Variants in SPATA3 observed in about 807,000 individuals in gnomAD.
The protein encoded by SPATA3 is spermatogenesis associated 3.
In SPATA3, 6 loss-of-function variants were observed where a neutral mutation model predicts 5.7. The ratio of observed to expected loss-of-function variants is 1.06; its 90% confidence interval spans 0.58 to 2.09. The LOEUF (loss-of-function observed/expected upper bound fraction) is 2.09. SPATA3 is among the 30% of genes most tolerant of loss of function. The pLI is 0.00. For missense variants in SPATA3, 155 were observed against 130.4 expected, an observed-to-expected ratio of 1.19 and a Z score of -0.92; for synonymous variants, 44 against 48.4, an observed-to-expected ratio of 0.91 and a Z score of 0.37.
intron 1 of SPATA3, chr2:230,996,190 A>G (rs756444343): frequency 1.1e-5 from 16 of 1,517,030 alleles, no homozygotes; most frequent in Non-Finnish European, 1.4e-5. Flanking sequence ...CCGGGAGATT[A>G]CGCAGCTCCA....
chr2:231,012,582 T>C (rs1317685188), intron 4 of SPATA3: 3 of 152,178 alleles, frequency 2.0e-5, no homozygotes, highest in Non-Finnish European at 2.9e-5. Context: ...ATTCTGTGTG[T>C]CTGGTAGGAG....
At chr2:231,010,645 G>A (rs1449018337), downstream of SPATA3, among the ~76,000 whole-genome samples, 8 of 152,120 alleles carry the variant, frequency 5.3e-5, no homozygotes. Context: ...AGAGATAGGA[G>A]GGCAGGAGAA....
downstream of SPATA3, among the ~76,000 whole-genome samples, chr2:231,010,394 G>A (rs922986481): frequency 4.6e-5 from 7 of 152,250 alleles, no homozygotes; most frequent in African/African-American, 1.4e-4. Flanking sequence ...GCCTCTCTGA[G>A]CAGCATTCCT....
chr2:231,004,854 A>C (rs1470080255), downstream of SPATA3, among the ~76,000 whole-genome samples: 1 of 152,022 alleles, frequency 6.6e-6, no homozygotes. Context: ...GAGTGGAAAA[A>C]ATGCATGTAA....
downstream of SPATA3, among the ~76,000 whole-genome samples, chr2:231,009,921 A>T (rs1192293882): frequency 1.3e-5 from 2 of 152,256 alleles, no homozygotes; most frequent in African/African-American, 4.8e-5. Flanking sequence ...AGTGAGTATA[A>T]ATGTGATCAC....
At chr2:230,996,173 G>A in intron 1 of SPATA3, 2 of 1,490,524 alleles carry the variant, frequency 1.3e-6, no homozygotes, top group Non-Finnish European at 1.8e-6. Context: ...GCCCCTCCAG[G>A]AGGGAGCCGG....
chr2:231,010,352 C>T (rs1165186031), downstream of SPATA3, among the ~76,000 whole-genome samples: 1 of 152,168 alleles, frequency 6.6e-6, no homozygotes, highest in Non-Finnish European at 1.5e-5. Flanking sequence ...TGTGGGGAAC[C>T]CAGCAAGGCC....
At chr2:231,007,067 A>G (rs1008042829), downstream of SPATA3, among the ~76,000 whole-genome samples, 4 of 152,122 alleles carry the variant, frequency 2.6e-5, no homozygotes, top group African/African-American at 4.8e-5. Flanking sequence ...CAAGGAATGG[A>G]AGAAATTTGA....
downstream of SPATA3, among the ~76,000 whole-genome samples, chr2:231,005,460 C>T (rs1407455184): frequency 2.2e-4 from 15 of 67,412 alleles, no homozygotes; most frequent in East Asian, 1.1e-3. Context: ...ACCACCACCA[C>T]CACCACCACC....
chr2:231,013,885 G>C (rs1574675685), exon 6 of SPATA3: 1 of 138,806 alleles, frequency 7.2e-6, no homozygotes, highest in Non-Finnish European at 1.5e-5. Flanking sequence ...GTCTCACTCT[G>C]TCACCCAGGT....
intron 6 of SPATA3, among the ~76,000 whole-genome samples, chr2:231,019,490 AT>A (rs796644973): frequency 4.4e-5 from 6 of 137,502 alleles, no homozygotes; most frequent in Admixed American, 1.4e-4. Context: ...CGCCTGGCTA[AT>A]TTTTTTGTAT....
intron 6 of SPATA3, among the ~76,000 whole-genome samples, chr2:231,016,828 CAG>C (rs1191873867): frequency 6.6e-6 from 1 of 152,188 alleles, no homozygotes; most frequent in Non-Finnish European, 1.5e-5. Flanking sequence ...TCTCAGGCAT[CAG>C]ATAGGATTCA....
At chr2:230,998,393 G>A (rs1400876456) in intron 1 of SPATA3, among the ~76,000 whole-genome samples, 14 of 152,292 alleles carry the variant, frequency 9.2e-5, no homozygotes, top group Admixed American at 2.0e-4. Flanking sequence ...TTCAGAACTG[G>A]CATCTTCAGT....
At chr2:231,010,577 T>C (rs1013009269), downstream of SPATA3, among the ~76,000 whole-genome samples, 2 of 152,214 alleles carry the variant, frequency 1.3e-5, no homozygotes, top group African/African-American at 4.8e-5. Flanking sequence ...TTCTTGTTTC[T>C]ATGGCATCTT....
chr2:231,003,419 G>GA, downstream of SPATA3, among the ~76,000 whole-genome samples: 1 of 152,184 alleles, frequency 6.6e-6, no homozygotes, highest in East Asian at 1.9e-4. Context: ...GAATGGACAG[G>GA]TTTATTGAGG....
At chr2:231,000,081 C>T (rs925250187) in intron 1 of SPATA3, among the ~76,000 whole-genome samples, 3 of 152,162 alleles carry the variant, frequency 2.0e-5, no homozygotes, top group Non-Finnish European at 2.9e-5. Context: ...TCGTTGTTGT[C>T]GTCGCTGTTG....
At chr2:231,019,074 C>T (rs2125128684) in intron 6 of SPATA3, among the ~76,000 whole-genome samples, 1 of 148,306 alleles carries the variant, frequency 6.7e-6, no homozygotes, top group African/African-American at 2.5e-5. Context: ...TCACACCATT[C>T]TCCTGCCTCA....
At chr2:231,008,446 C>T (rs1009189285), downstream of SPATA3, among the ~76,000 whole-genome samples, 2 of 152,124 alleles carry the variant, frequency 1.3e-5, no homozygotes, top group Non-Finnish European at 2.9e-5. Flanking sequence ...TTAGTTAGAC[C>T]GGGACCCAGC....
At chr2:231,004,543 A>G (rs1293146911), downstream of SPATA3, among the ~76,000 whole-genome samples, 1 of 152,134 alleles carries the variant, frequency 6.6e-6, no homozygotes, top group Non-Finnish European at 1.5e-5. Flanking sequence ...TTGAGGATTG[A>G]CTGAGGGGAT....
Sources: allele counts gnomAD v4.1 joint callset (sites outside exome capture counted in the v4.1 genomes callset), GRCh38; gene constraint gnomAD v4.1.1; transcripts MANE v1.5; gene names NCBI Gene and HGNC (gene_info 2026-07-23, HGNC 2026-07-21).